Variants in TRIO observed in about 807,000 individuals in gnomAD.
TRIO encodes the protein triple functional domain protein.
In TRIO, 58 loss-of-function variants were observed where a neutral mutation model predicts 351.9. The ratio of observed to expected loss-of-function variants is 0.16; its 90% CI spans 0.13 to 0.21. TRIO has a LOEUF of 0.21. Among genes scored for constraint, TRIO ranks in the 10% least tolerant of loss-of-function variants. TRIO has a pLI of 1.00. For missense variants in TRIO, 3,201 were observed against 4,027.8 expected (o/e 0.79, Z 5.56); for synonymous variants, 1,758 against 1,595.7 (o/e 1.10, Z -2.42).
In TRIO at chr5:14,302,023, T is replaced by A. The variant is rs1449496382; in HGVS notation, c.1369-2438T>A. On this transcript the variant is annotated intron_variant, in intron 7 of 56. Coordinates refer to ENST00000344204, the MANE Select transcript of TRIO (RefSeq NM_007118.4). ...AGGTTTTCATGTAGCACACCATCCT[T>A]CCCTGGCTATATGTTTTCAGAGAAG... Among the ~76,000 whole-genome samples the A allele has an allele frequency of 2.0e-5, 3 of 152,218 alleles. No homozygotes were observed. In the South Asian group the frequency reaches 6.2e-4, roughly 32 times the overall value.
chr5:14,364,010 C>T (rs1443433772), intron 14 of TRIO, 83 bp downstream of exon 14: 3 of 1,399,356 alleles, frequency 2.1e-6, no homozygotes, highest in Non-Finnish European at 2.9e-6. Context: ...GGGATGACTG[C>T]AAATTTTGTT....
At chr5:14,421,419 A>G (rs996045201) in intron 34 of TRIO, among the ~76,000 whole-genome samples, 1 of 151,780 alleles carries the variant, frequency 6.6e-6, no homozygotes, top group African/African-American at 2.4e-5. Flanking sequence ...CCTGACCAAC[A>G]TGGTGAAACC....
At chr5:14,420,066 G>A in intron 34 of TRIO, 45 bp downstream of exon 34, 5 of 1,590,638 alleles carry the variant, frequency 3.1e-6, no homozygotes, top group Non-Finnish European at 4.3e-6. Context: ...ACTGGAAGTG[G>A]CCCTGGAGCG....
intron 2 of TRIO, among the ~76,000 whole-genome samples, chr5:14,275,924 T>TTATATATATGTGTGTC (rs1561281046): frequency 6.8e-6 from 1 of 147,808 alleles, no homozygotes; most frequent in African/African-American, 2.5e-5. Context: ...ATATGTATGT[T>TTATATATATGTGTGTC]TATATATATG....
intron 4 of TRIO, among the ~76,000 whole-genome samples, chr5:14,288,286 C>T (rs1424200233): frequency 6.6e-6 from 1 of 152,192 alleles, no homozygotes; most frequent in Admixed American, 6.6e-5. Flanking sequence ...CCTCAGGGCT[C>T]TTAAAGGCAC....
intron 1 of TRIO, among the ~76,000 whole-genome samples, chr5:14,179,841 C>T (rs1238609997): frequency 5.9e-5 from 9 of 151,990 alleles, no homozygotes; most frequent in Non-Finnish European, 1.2e-4. Flanking sequence ...TGTGTAATCC[C>T]GGCACTCTGG....
chr5:14,394,177 T>C (rs1747359716), intron 28 of TRIO, 47 bp downstream of exon 28: 1 of 1,218,772 alleles, frequency 8.2e-7, no homozygotes, highest in Non-Finnish European at 1.2e-6. Context: ...GAATTATGTA[T>C]TATTTTGACA....
rs187770542 is a variant in TRIO, at chr5:14,263,962, A to C, written c.158-6863A>C. 2.0e-4 allele frequency among the ~76,000 whole-genome samples: 31 copies of C among 152,332 alleles called. 1 individual carries two copies. The highest frequency in any genetic ancestry group is 7.5e-4 in the African/African-American group (31 of 41,570). On this transcript the variant is annotated intron_variant, in intron 1 of 56. Coordinates refer to ENST00000344204, the MANE Select transcript of TRIO (RefSeq NM_007118.4). ...CTGGGGATCCAAACATGAACGGCAC[A>C]CCTGGGCACATGGTTTCTTTTTTGA...
intron 40 of TRIO, among the ~76,000 whole-genome samples, chr5:14,475,021 C>A (rs1443224925): frequency 6.6e-6 from 1 of 152,150 alleles, no homozygotes; most frequent in African/African-American, 2.4e-5. Flanking sequence ...CCATGAAATT[C>A]AACTCTGATC....
In TRIO at chr5:14,143,738, A is replaced by G. The variant is rs1052849519; in HGVS notation, c.13A>G (p.Ser5Gly). The change falls in exon 1 of 57, where the codon AGC becomes GGC. Residue 5 changes from serine (S) to glycine (G), a missense_variant. By Grantham distance (56) the Ser-to-Gly change is moderately conservative. Around this residue, in one of 19 missense-constraint regions of TRIO, gnomAD observed 109 missense variants for 134.6 expected, o/e 0.81. Coordinates refer to ENST00000344204, the MANE Select transcript of TRIO (RefSeq NM_007118.4). MSGS[S>G]GGAAAPAASS... ...CGCCGCCGCAGCCATGAGCGGCAGC[A>G]GCGGCGGAGCCGCCGCCCCCGCCGC... The G allele has an allele frequency of 5.9e-5, 58 of 979,478 alleles. No individual in the cohort carries two copies. The highest frequency in any genetic ancestry group is 5.2e-4 in the Middle Eastern group (1 of 1,938). The allele number at this position is 979,478 out of a possible 1,614,324, so 60.7% of individuals were successfully genotyped here.
At chr5:14,374,113 A>C in intron 18 of TRIO, 116 bp from the exon 19 acceptor site, 1 of 644,752 alleles carries the variant, frequency 1.6e-6, no homozygotes, top group South Asian at 2.0e-5. Flanking sequence ...CTAAACCAGC[A>C]GGTGGCCAGA....
At chr5:14,170,098 T>C (rs1267450356) in intron 1 of TRIO, among the ~76,000 whole-genome samples, 5 of 152,218 alleles carry the variant, frequency 3.3e-5, no homozygotes, top group Admixed American at 2.6e-4. Flanking sequence ...ATGGAGCTCA[T>C]CTGTAATCCT....
intron 1 of TRIO, among the ~76,000 whole-genome samples, chr5:14,235,714 C>T (rs1415848942): frequency 6.6e-6 from 1 of 151,732 alleles, no homozygotes; most frequent in Admixed American, 6.6e-5. Flanking sequence ...CATTCGAATC[C>T]ACAAGCATGC....
intron 1 of TRIO, among the ~76,000 whole-genome samples, chr5:14,169,231 A>G (rs1431903879): frequency 6.9e-6 from 1 of 144,812 alleles, no homozygotes; most frequent in African/African-American, 2.6e-5. Context: ...TCTTTTTTAG[A>G]TGGAAGGTTC....
intron 8 of TRIO, among the ~76,000 whole-genome samples, chr5:14,313,445 C>T (rs1230020026): frequency 6.6e-6 from 1 of 152,176 alleles, no homozygotes; most frequent in African/African-American, 2.4e-5. Flanking sequence ...TTAGAGTACT[C>T]CATTCTCAGT....
Position 14,330,914 on chromosome 5 carries a change from T to C in TRIO, c.1854+14T>C. 1 of 1,613,556 alleles carries C rather than the reference T, an allele frequency of 6.2e-7. No homozygotes were observed. Among genetic ancestry groups the C allele is most frequent in the Non-Finnish European group, 8.5e-7 (1 of 1,179,660 alleles). ...GAAGTGGCACAGGTAAAACAATGGC[T>C]TCTATTATTTTATCCCATAAATACC... is the stretch of plus-strand genomic sequence containing the variant. On this transcript the variant is annotated intron_variant, in intron 10 of 56. Transcript: ENST00000344204.
intron 33 of TRIO, among the ~76,000 whole-genome samples, chr5:14,407,597 G>A (rs1380130589): frequency 6.6e-6 from 1 of 152,246 alleles, no homozygotes; most frequent in Non-Finnish European, 1.5e-5. Flanking sequence ...CATAACCATA[G>A]TGTGCAGCAG....
intron 1 of TRIO, among the ~76,000 whole-genome samples, chr5:14,240,459 C>T (rs749894310): frequency 1.2e-4 from 18 of 152,228 alleles, no homozygotes; most frequent in Non-Finnish European, 2.2e-4. Flanking sequence ...GCTGTTTTCC[C>T]GTTCTTTTAC....
At chr5:14,311,369 A>C (rs1738914216) in intron 8 of TRIO, among the ~76,000 whole-genome samples, 1 of 152,254 alleles carries the variant, frequency 6.6e-6, no homozygotes. Flanking sequence ...GCTGAAAGAA[A>C]TAGAAATCAT....
Sources: gnomAD v4.1 joint callset for allele counts (sites outside exome capture counted in the v4.1 genomes callset) on GRCh38, gnomAD v4.1.1 for gene constraint, gnomAD v4.1.1 regional missense constraint, MANE v1.5 for transcripts, NCBI Gene and HGNC (gene_info 2026-07-23, HGNC 2026-07-21) for gene names.